The following DCUN1D3 variants were observed in gnomAD, a reference collection of about 807,000 sequenced individuals.
DCUN1D3 encodes DCN1-like protein 3.
Under a neutral mutation model 24.8 loss-of-function variants are expected in DCUN1D3, and 6 were observed. The observed-to-expected ratio is 0.24, with a 90% CI of 0.13 to 0.48. DCUN1D3 has a LOEUF of 0.48. Ranked by LOEUF, DCUN1D3 falls within the 20% of genes least tolerant of loss-of-function variation. DCUN1D3 has a pLI of 0.99. For missense variants in DCUN1D3, 258 were observed against 379.4 expected, an observed-to-expected ratio of 0.68 and a Z score of 2.66; for synonymous variants, 120 against 144.9, an observed-to-expected ratio of 0.83 and a Z score of 1.24.
Position 20,859,935 on chromosome 16 carries a change from C to G in DCUN1D3, c.866G>C (p.Gly289Ala). ...ERRKREGEGR[G>A]ALSSGPEGLC... ...GCCCTCAGGCCCTGAGCTGAGTGCA[C>G]CTCTCCCTTCCCCTTCTCTTTTCCT... is the stretch of plus-strand genomic sequence containing the variant. The change falls in exon 3 of 3, where the codon GGT becomes GCT. Residue 289 changes from glycine to alanine, a missense_variant. Gly to Ala is a moderately conservative substitution (Grantham distance 60). Transcript: ENST00000324344. 6.2e-7 allele frequency: 1 copy of G among 1,614,132 alleles called. No homozygotes were observed. Among genetic ancestry groups the G allele is most frequent in the Non-Finnish European group, 8.5e-7 (1 of 1,180,000 alleles).
intron 1 of DCUN1D3, among the ~76,000 whole-genome samples, chr16:20,865,557 C>T (rs1313102012): frequency 6.6e-6 from 1 of 152,082 alleles, no homozygotes; most frequent in Non-Finnish European, 1.5e-5. Flanking sequence ...ACTGAAATTA[C>T]GTTGTTAATG....
intron 1 of DCUN1D3, among the ~76,000 whole-genome samples, chr16:20,867,827 C>G (rs545831995): frequency 2.0e-4 from 30 of 152,300 alleles, no homozygotes; most frequent in African/African-American, 7.0e-4. Context: ...GTCACTGGCC[C>G]AGGGCTTGTT....
intron 1 of DCUN1D3, among the ~76,000 whole-genome samples, chr16:20,884,420 A>G (rs772388242): frequency 4.6e-5 from 7 of 152,258 alleles, no homozygotes; most frequent in Non-Finnish European, 7.4e-5. Flanking sequence ...CCCTTTCAGA[A>G]TGTATCCAGA....
At chr16:20,891,608 G>T (rs1476297150) in intron 1 of DCUN1D3, among the ~76,000 whole-genome samples, 1 of 152,176 alleles carries the variant, frequency 6.6e-6, no homozygotes, top group African/African-American at 2.4e-5. Flanking sequence ...GGCCTTCGAG[G>T]GGGCACAGTG....
In DCUN1D3 at chr16:20,893,946, G is replaced by A. The variant is rs534291612; in HGVS notation, c.-106+6258C>T. Among the ~76,000 whole-genome samples the A allele has an allele frequency of 1.5e-3, 231 of 152,250 alleles. 1 individual carries two copies. Among genetic ancestry groups the A allele is most frequent in the African/African-American group, 5.4e-3 (223 of 41,548 alleles). ...CTAAAAGCTGTAACCCAACTCTGCCGCTTGTGTGGAAACAATCTGCTACTA... is the reference window on the plus strand; with the variant it reads ...CTAAAAGCTGTAACCCAACTCTGCCACTTGTGTGGAAACAATCTGCTACTA... On this transcript the variant is annotated intron_variant, in intron 1 of 2. Transcript: ENST00000324344.
chr16:20,892,220 T>C (rs371173097), intron 1 of DCUN1D3, among the ~76,000 whole-genome samples: 1 of 152,190 alleles, frequency 6.6e-6, no homozygotes, highest in East Asian at 1.9e-4. Flanking sequence ...AACAACTAAA[T>C]TTCTAAGAGA....
chr16:20,889,458 T>C (rs1330687324), intron 1 of DCUN1D3, among the ~76,000 whole-genome samples: 2 of 152,156 alleles, frequency 1.3e-5, no homozygotes, highest in Non-Finnish European at 2.9e-5. Flanking sequence ...CTAGACCTAA[T>C]GCACCTTTGA....
At chr16:20,890,221 T>C (rs574632345) in intron 1 of DCUN1D3, among the ~76,000 whole-genome samples, 25 of 152,130 alleles carry the variant, frequency 1.6e-4, no homozygotes, top group African/African-American at 5.3e-4. Context: ...GGATGGGGAG[T>C]CATGGGAACC....
intron 1 of DCUN1D3, among the ~76,000 whole-genome samples, chr16:20,877,303 G>A (rs1305310923): frequency 6.6e-6 from 1 of 151,920 alleles, no homozygotes; most frequent in Non-Finnish European, 1.5e-5. Flanking sequence ...TGCTTCATAT[G>A]AGATGGGTCT....
At chr16:20,861,986 A>C in intron 2 of DCUN1D3, 122 bp downstream of exon 2, 1 of 1,055,350 alleles carries the variant, frequency 9.5e-7, no homozygotes, top group Non-Finnish European at 1.4e-6. Flanking sequence ...TGATCAGAAA[A>C]ATAAAAACTT....
intron 1 of DCUN1D3, 98 bp downstream of exon 1, chr16:20,900,106 C>T (rs1421015889): frequency 1.3e-5 from 2 of 151,622 alleles, no homozygotes; most frequent in Non-Finnish European, 2.9e-5. Flanking sequence ...CCACTCCTCC[C>T]TTTCCACCCC....
Position 20,857,050 on chromosome 16 carries a change from G to A in DCUN1D3, c.*2836C>T, listed in dbSNP as rs1567419546. On this transcript the variant is annotated 3_prime_UTR_variant, in exon 3 of 3. Transcript: ENST00000324344. ...TGGCAAACCTATTTCTAGGTTGAAAGGAACAAGACTTTTCACTTCCCAGAA... is the reference window on the plus strand; with the variant it reads ...TGGCAAACCTATTTCTAGGTTGAAAAGAACAAGACTTTTCACTTCCCAGAA... 6.6e-6 allele frequency: 1 copy of A among 152,160 alleles called. No homozygotes were observed. Among genetic ancestry groups the A allele is most frequent in the Non-Finnish European group, 1.5e-5 (1 of 68,036 alleles). 9.4% of individuals were successfully genotyped at this position (152,160 alleles called of 1,614,324 possible).
chr16:20,884,510 A>G (rs2081859788), intron 1 of DCUN1D3, among the ~76,000 whole-genome samples: 1 of 152,210 alleles, frequency 6.6e-6, no homozygotes, highest in Non-Finnish European at 1.5e-5. Context: ...GACATCTACA[A>G]GTAAGGTGGT....
At chr16:20,872,008 A>G (rs1402984114) in intron 1 of DCUN1D3, among the ~76,000 whole-genome samples, 1 of 152,216 alleles carries the variant, frequency 6.6e-6, no homozygotes, top group African/African-American at 2.4e-5. Flanking sequence ...ATAAGCTTGC[A>G]GCTTGTTTTA....
At chr16:20,890,316 T>G (rs556979510) in intron 1 of DCUN1D3, among the ~76,000 whole-genome samples, 1 of 152,148 alleles carries the variant, frequency 6.6e-6, no homozygotes, top group Non-Finnish European at 1.5e-5. Context: ...TGGGGCAATT[T>G]TGAGGTAATG....
In DCUN1D3 at chr16:20,862,473, A is replaced by T; in HGVS notation, c.66T>A (p.Arg22=). ...TGCTATGTGACTTGTTGCTGGGCTCACGGTCTCCATTTTTGCTGCCCAGGG... is the reference window on the plus strand; with the variant it reads ...TGCTATGTGACTTGTTGCTGGGCTCTCGGTCTCCATTTTTGCTGCCCAGGG... ...SSTLGSKNGD[R]EPSNKSHSRR... is the part of the protein sequence containing the mutation. The change falls in exon 2 of 3, where the codon CGT becomes CGA. Residue 22 remains arginine, a synonymous_variant. Coordinates refer to ENST00000324344, the MANE Select transcript of DCUN1D3 (RefSeq NM_173475.4). 1 of 1,612,206 alleles carries T rather than the reference A, an allele frequency of 6.2e-7. No individual in the cohort carries two copies. Among genetic ancestry groups the T allele is most frequent in the South Asian group, 1.1e-5 (1 of 91,074 alleles).
intron 1 of DCUN1D3, among the ~76,000 whole-genome samples, chr16:20,895,945 T>C (rs2081913781): frequency 6.6e-6 from 1 of 152,250 alleles, no homozygotes; most frequent in African/African-American, 2.4e-5. Context: ...ATGTCCTTAC[T>C]TCAGCACATA....
At chr16:20,881,572 C>T (rs2081843733) in intron 1 of DCUN1D3, among the ~76,000 whole-genome samples, 1 of 152,134 alleles carries the variant, frequency 6.6e-6, no homozygotes, top group African/African-American at 2.4e-5. Flanking sequence ...ACGTTCCCTC[C>T]ATCACCTTTA....
intron 1 of DCUN1D3, among the ~76,000 whole-genome samples, chr16:20,870,671 C>T (rs544564427): frequency 2.0e-5 from 3 of 152,326 alleles, no homozygotes; most frequent in East Asian, 1.9e-4. Flanking sequence ...CAATCCATTC[C>T]ACTCCTCCAT....
Sources: allele counts gnomAD v4.1 joint callset (sites outside exome capture counted in the v4.1 genomes callset), GRCh38; gene constraint gnomAD v4.1.1; transcripts MANE v1.5; gene names NCBI Gene and HGNC (gene_info 2026-07-23, HGNC 2026-07-21).